Variants in RHOU observed in about 807,000 individuals in gnomAD.
RHOU encodes rho-related GTP-binding protein RhoU.
A neutral mutation model predicts 12.6 loss-of-function variants in RHOU; 8 were observed. The ratio of observed to expected loss-of-function variants is 0.64; its 90% CI spans 0.37 to 1.15. The LOEUF (loss-of-function observed/expected upper bound fraction) is 1.15, where lower values mean the gene tolerates loss of function less well. Ranked by LOEUF, RHOU falls within the 50% of genes most tolerant of loss-of-function variation. RHOU has a pLI of 0.01. For missense variants in RHOU, 258 were observed against 347.0 expected (o/e 0.74, Z 2.04); for synonymous variants, 161 against 147.4 (o/e 1.09, Z -0.67).
At chr1:228,647,157 A>C in the RHOU span, among the ~76,000 whole-genome samples, 1 of 152,174 alleles carries the variant, frequency 6.6e-6, no homozygotes, top group Non-Finnish European at 1.5e-5. Context: ...GTGCCTGAGC[A>C]GGGCGGCCAG....
chr1:228,735,408 T>G, upstream of RHOU: 1 of 169,442 alleles, frequency 5.9e-6, no homozygotes, highest in Non-Finnish European at 1.3e-5. The surrounding 1 kb of genome is among the most constrained non-coding windows in gnomAD (Gnocchi z 8.1). Context: ...ACCCGCCTCT[T>G]TTCCCTCCCC....
At chr1:228,711,254 G>A in the RHOU span, among the ~76,000 whole-genome samples, 1 of 151,648 alleles carries the variant, frequency 6.6e-6, no homozygotes, top group Non-Finnish European at 1.5e-5. Flanking sequence ...TACAGATTCA[G>A]TGCCATCCCC....
At chr1:228,687,913 C>T in the RHOU span, 2 of 753,228 alleles carry the variant, frequency 2.7e-6, no homozygotes, top group South Asian at 2.9e-5. Context: ...TTCTCCCCCT[C>T]TCCCTCCTCT....
chr1:228,655,255 C>A, the RHOU span, among the ~76,000 whole-genome samples: 1 of 152,032 alleles, frequency 6.6e-6, no homozygotes, highest in African/African-American at 2.4e-5. Flanking sequence ...AGGTACCCAC[C>A]ACCATACCCA....
upstream of RHOU, among the ~76,000 whole-genome samples, chr1:228,730,870 A>C (rs1389123239): frequency 3.9e-5 from 6 of 152,218 alleles, no homozygotes; most frequent in African/African-American, 1.4e-4. Context: ...AGCAGGAAAA[A>C]CAGCTTTATA....
the RHOU span, chr1:228,687,614 G>A: frequency 6.4e-7 from 1 of 1,566,930 alleles, no homozygotes; most frequent in Non-Finnish European, 8.7e-7. Context: ...GTGTGAATCA[G>A]TCACTACTGG....
At chr1:228,700,319 T>C in the RHOU span, among the ~76,000 whole-genome samples, 2 of 152,250 alleles carry the variant, frequency 1.3e-5, no homozygotes, top group African/African-American at 4.8e-5. Flanking sequence ...TCTGGCAAAG[T>C]ATTTTCTTGG....
At position 228,743,316 on chromosome 1, in the gene RHOU, A is replaced by G; in HGVS notation, c.353A>G (p.Tyr118Cys). 1 of 1,614,184 alleles carries G rather than the reference A, an allele frequency of 6.2e-7. No individual in the cohort carries two copies. The highest frequency in any genetic ancestry group is 8.5e-7 in the Non-Finnish European group (1 of 1,180,018). The change falls in exon 3 of 3, where the codon TAC (tyrosine) becomes TGC (cysteine). Residue 118 changes from tyrosine (Y) to cysteine (C), a missense_variant. Coordinates refer to ENST00000366691, the MANE Select transcript of RHOU (RefSeq NM_021205.6). The surrounding 1 kb of genome is among the most constrained non-coding windows in gnomAD (Gnocchi z 5.1). ...TTTGACAAGCTGAGGCCTCTCTGCTACACCAACACAGACATCTTCCTGCTC... is the reference window on the plus strand; with the variant it reads ...TTTGACAAGCTGAGGCCTCTCTGCTGCACCAACACAGACATCTTCCTGCTC... ...DEFDKLRPLC[Y>C]TNTDIFLLCF...
the RHOU span, among the ~76,000 whole-genome samples, chr1:228,707,130 A>ATATATATATG: frequency 1.9e-3 from 212 of 110,174 alleles, 3 homozygotes; most frequent in South Asian, 6.1e-3. Context: ...ATATATACAT[A>ATATATATATG]TATATATATA....
the RHOU span, among the ~76,000 whole-genome samples, chr1:228,713,207 G>A: frequency 1.3e-5 from 2 of 152,162 alleles, no homozygotes; most frequent in African/African-American, 4.8e-5. Context: ...GACCAATGCA[G>A]GATTAGAGAG....
chr1:228,726,348 A>C, the RHOU span, among the ~76,000 whole-genome samples: 1 of 152,082 alleles, frequency 6.6e-6, no homozygotes, highest in African/African-American at 2.4e-5. Flanking sequence ...GGTTTGATGG[A>C]AAGGTTATAG....
At chr1:228,699,898 T>C in the RHOU span, among the ~76,000 whole-genome samples, 2 of 152,216 alleles carry the variant, frequency 1.3e-5, no homozygotes, top group East Asian at 1.9e-4. Context: ...AAATCTTTAG[T>C]TGGCCTATCA....
At chr1:228,670,696 G>A in the RHOU span, among the ~76,000 whole-genome samples, 5 of 152,268 alleles carry the variant, frequency 3.3e-5, no homozygotes, top group South Asian at 2.1e-4. Context: ...ATCTCATGTC[G>A]AGTTGTGATT....
the RHOU span, among the ~76,000 whole-genome samples, chr1:228,719,709 G>A: frequency 6.6e-6 from 1 of 152,010 alleles, no homozygotes; most frequent in Non-Finnish European, 1.5e-5. Flanking sequence ...CAGCCCGGGC[G>A]ACAGAACATG....
At chr1:228,713,030 G>T in the RHOU span, among the ~76,000 whole-genome samples, 1 of 151,564 alleles carries the variant, frequency 6.6e-6, no homozygotes, top group Non-Finnish European at 1.5e-5. Flanking sequence ...AATGGATGAT[G>T]AATGTTGTGA....
chr1:228,653,135 A>G, the RHOU span, among the ~76,000 whole-genome samples: 5 of 152,132 alleles, frequency 3.3e-5, no homozygotes, highest in African/African-American at 9.7e-5. Flanking sequence ...TGATTTGGCT[A>G]CCTAGCCTCA....
the RHOU span, among the ~76,000 whole-genome samples, chr1:228,670,686 A>G: frequency 6.6e-6 from 1 of 152,148 alleles, no homozygotes. Flanking sequence ...CCCCACTCAA[A>G]TCTCATGTCG....
the RHOU span, among the ~76,000 whole-genome samples, chr1:228,646,462 C>T: frequency 1.0e-4 from 7 of 68,676 alleles, no homozygotes; most frequent in East Asian, 7.9e-4. Context: ...CTGCGAGGCC[C>T]CCTCTTGCCC....
chr1:228,713,177 T>G, the RHOU span, among the ~76,000 whole-genome samples: 1 of 152,094 alleles, frequency 6.6e-6, no homozygotes, highest in East Asian at 1.9e-4. Context: ...TAGCTTCAGG[T>G]GGGGGCTGGT....
Sources: allele counts gnomAD v4.1 joint callset (sites outside exome capture counted in the v4.1 genomes callset), GRCh38; gene constraint gnomAD v4.1.1; non-coding constraint Gnocchi (gnomAD v3.1); transcripts MANE v1.5; gene names NCBI Gene and HGNC (gene_info 2026-07-23, HGNC 2026-07-21).